Variants in AGBL1 observed in about 807,000 individuals in gnomAD.
The protein encoded by AGBL1 is AGBL carboxypeptidase 1.
Under a neutral mutation model 118.9 loss-of-function variants are expected in AGBL1, and 130 were observed. The observed-to-expected ratio is 1.09, with a 90% CI of 0.95 to 1.26. The LOEUF (loss-of-function observed/expected upper bound fraction) is 1.26, where lower values mean the gene tolerates loss of function less well. Among genes scored for constraint, AGBL1 ranks in the 50% most tolerant of loss-of-function variants. AGBL1 has a pLI of 0.00. For synonymous variants in AGBL1, 555 were observed against 478.9 expected, an observed-to-expected ratio of 1.16 and a Z score of -2.08; for missense variants, 1,584 against 1,298.1, an observed-to-expected ratio of 1.22 and a Z score of -3.38.
At chr15:86,784,667 G>A (rs753175975) in intron 22 of AGBL1, among the ~76,000 whole-genome samples, 10 of 152,060 alleles carry the variant, frequency 6.6e-5, no homozygotes, top group Non-Finnish European at 1.2e-4. Context: ...ACCACTCTCT[G>A]AGCCACAGTT....
Position 86,734,413 on chromosome 15 carries a change from T to C in AGBL1, c.3158+59977T>C, listed in dbSNP as rs186437147. Among the ~76,000 whole-genome samples the C allele has an allele frequency of 1.7e-3, 264 of 152,298 alleles. 3 individuals are homozygous for C. In the East Asian group the frequency reaches 0.022, roughly 13 times the overall value. The stretch of plus-strand genomic sequence containing the variant: ...GATAGCAGGGAGTGACAAGGAGATC[T>C]TCACTTGGAAAAGATGTAGAGACTA... On this transcript the variant is annotated intron_variant, in intron 22 of 22. Coordinates refer to ENST00000614907, the MANE Select transcript of AGBL1 (RefSeq NM_001386094.1).
At chr15:86,282,636 A>G (rs542790722) in intron 16 of AGBL1, among the ~76,000 whole-genome samples, 17 of 152,350 alleles carry the variant, frequency 1.1e-4, no homozygotes, top group African/African-American at 3.8e-4. Context: ...CTCTTAAAAA[A>G]AACTTCCTCC....
chr15:86,554,611 G>A, intron 21 of AGBL1, 74 bp downstream of exon 21: 1 of 1,325,882 alleles, frequency 7.5e-7, no homozygotes. Flanking sequence ...GCTCGTACCT[G>A]CTTTCTCACC....
At chr15:86,938,699 A>C (rs2080709245) in intron 23 of AGBL1, 1 of 152,184 alleles carries the variant, frequency 6.6e-6, no homozygotes, top group African/African-American at 2.4e-5. Context: ...CCGTAGTTCT[A>C]AGGATGGGTG....
At chr15:86,523,485 AC>A (rs2083217534) in intron 19 of AGBL1, among the ~76,000 whole-genome samples, 1 of 152,134 alleles carries the variant, frequency 6.6e-6, no homozygotes, top group African/African-American at 2.4e-5. Context: ...AGGGATTAGA[AC>A]TTGAATACAT....
intron 22 of AGBL1, among the ~76,000 whole-genome samples, chr15:86,774,593 G>T (rs1596469764): frequency 8.5e-6 from 1 of 117,736 alleles, no homozygotes; most frequent in Admixed American, 8.4e-5. Context: ...TAGCTCTCAG[G>T]GCAGGAAGCT....
chr15:86,534,643 C>T (rs991631325), intron 19 of AGBL1, among the ~76,000 whole-genome samples: 1 of 152,076 alleles, frequency 6.6e-6, no homozygotes, highest in East Asian at 1.9e-4. Flanking sequence ...GAAGCCCAGA[C>T]ACAGCAAAGT....
At chr15:86,691,266 C>T (rs1404885299) in intron 22 of AGBL1, among the ~76,000 whole-genome samples, 2 of 152,146 alleles carry the variant, frequency 1.3e-5, no homozygotes, top group East Asian at 1.9e-4. Flanking sequence ...ATTCTTTTGT[C>T]TCTTAGCAAA....
Position 86,344,404 on chromosome 15 carries a change from T to G in AGBL1, c.2374+48996T>G, listed in dbSNP as rs79383249. Reference sequence around the variant, plus strand: ...CTCAAGTCTGAGCAGTGCTATGCATTGCCAAGATCCAGAGGACACCATTCC... The same window carrying G: ...CTCAAGTCTGAGCAGTGCTATGCATGGCCAAGATCCAGAGGACACCATTCC... On this transcript the variant is annotated intron_variant, in intron 17 of 22. Transcript: ENST00000614907. Among the ~76,000 whole-genome samples the G allele has an allele frequency of 2.4e-3, 359 of 152,252 alleles. 3 individuals carry two copies. The highest frequency in any genetic ancestry group is 8.1e-3 in the African/African-American group (337 of 41,560).
At chr15:87,024,844 G>T (rs2081708848) in intron 24 of AGBL1, among the ~76,000 whole-genome samples, 1 of 151,974 alleles carries the variant, frequency 6.6e-6, no homozygotes, top group African/African-American at 2.4e-5. Flanking sequence ...GTCAATAAAT[G>T]TGATACACCA....
intron 24 of AGBL1, among the ~76,000 whole-genome samples, chr15:87,004,581 T>A (rs1358275743): frequency 1.3e-5 from 2 of 152,182 alleles, no homozygotes; most frequent in African/African-American, 4.8e-5. Flanking sequence ...CCTATTTATG[T>A]CTCTGCACGT....
intron 22 of AGBL1, among the ~76,000 whole-genome samples, chr15:86,768,409 C>T (rs558773202): frequency 6.6e-6 from 1 of 152,136 alleles, no homozygotes; most frequent in South Asian, 2.1e-4. Context: ...TTTGATTCCC[C>T]TTCCCACCTT....
chr15:86,672,590 G>A (rs988729894), intron 21 of AGBL1, among the ~76,000 whole-genome samples: 1 of 152,116 alleles, frequency 6.6e-6, no homozygotes, highest in African/African-American at 2.4e-5. Context: ...TGAGCAGGCA[G>A]GTGTGACCTT....
At chr15:86,716,581 A>G (rs1252582218) in intron 22 of AGBL1, among the ~76,000 whole-genome samples, 1 of 152,188 alleles carries the variant, frequency 6.6e-6, no homozygotes, top group Admixed American at 6.5e-5. Flanking sequence ...AGAAAATAGA[A>G]AAAGCAGTAA....
chr15:86,885,166 A>G (rs575594370), intron 22 of AGBL1, among the ~76,000 whole-genome samples: 67 of 152,276 alleles, frequency 4.4e-4, no homozygotes, highest in African/African-American at 1.6e-3. Context: ...ATAATACAAT[A>G]TCATGGTTTT....
intron 23 of AGBL1, among the ~76,000 whole-genome samples, chr15:86,928,903 A>G (rs936014953): frequency 6.6e-6 from 1 of 152,200 alleles, no homozygotes; most frequent in African/African-American, 2.4e-5. Context: ...TAAAATATGC[A>G]TAACATTGAA....
At chr15:86,137,113 A>G (rs1420364859) in intron 1 of AGBL1, among the ~76,000 whole-genome samples, 2 of 152,200 alleles carry the variant, frequency 1.3e-5, no homozygotes, top group Non-Finnish European at 1.5e-5. Flanking sequence ...TAAAATATTT[A>G]TTGGTAAATG....
intron 18 of AGBL1, among the ~76,000 whole-genome samples, chr15:86,411,501 G>A (rs903395324): frequency 6.6e-6 from 1 of 152,050 alleles, no homozygotes; most frequent in Non-Finnish European, 1.5e-5. Flanking sequence ...CCTCCCCACC[G>A]CGATTTACAG....
chr15:86,633,041 A>G, intron 21 of AGBL1, among the ~76,000 whole-genome samples: 1 of 152,240 alleles, frequency 6.6e-6, no homozygotes, highest in Non-Finnish European at 1.5e-5. Flanking sequence ...GGTAGACATA[A>G]GCCATTCTTT....
Sources: gnomAD v4.1 joint callset for allele counts (sites outside exome capture counted in the v4.1 genomes callset) on GRCh38, gnomAD v4.1.1 for gene constraint, MANE v1.5 for transcripts, NCBI Gene and HGNC (gene_info 2026-07-23, HGNC 2026-07-21) for gene names.